Variants in STXBP6 observed in about 807,000 individuals in gnomAD.
STXBP6 encodes the protein syntaxin binding protein 6, also known as syntaxin-binding protein 6.
A neutral mutation model predicts 26.9 loss-of-function variants in STXBP6; 21 were observed. The ratio of observed to expected loss-of-function variants is 0.78; its 90% CI spans 0.55 to 1.12. The LOEUF (loss-of-function observed/expected upper bound fraction) is 1.12, where lower values mean the gene tolerates loss of function less well. Ranked by LOEUF, STXBP6 falls within the 50% of genes most tolerant of loss-of-function variation. The pLI, the probability that STXBP6 is intolerant of heterozygous loss-of-function variation, is 0.00. For synonymous variants in STXBP6, 97 were observed against 92.6 expected (o/e 1.05, Z -0.27); for missense variants, 232 against 257.9 (o/e 0.90, Z 0.69).
At chr14:24,917,457 A>G (rs990504184) in intron 2 of STXBP6, among the ~76,000 whole-genome samples, 2 of 152,086 alleles carry the variant, frequency 1.3e-5, no homozygotes, top group Non-Finnish European at 2.9e-5. Context: ...TCAAACACCA[A>G]TCGCACCATA....
In STXBP6 at chr14:25,044,584, C is replaced by T. The variant is rs2075697295; in HGVS notation, c.-33+5294G>A. Among the ~76,000 whole-genome samples the T allele has an allele frequency of 2.0e-5, 3 of 152,348 alleles. No homozygotes were observed. In the South Asian group the frequency reaches 6.2e-4, roughly 32 times the overall value. ...CTGTCCAGTCCTCTCTATAACTCAT[C>T]TGCTATTTCAACGAATTTACAGAAT... On this transcript the variant is annotated intron_variant, in intron 1 of 5. Transcript: ENST00000323944.
rs764076601 is a variant in STXBP6, at chr14:24,911,171, C to CA, written c.155-54015dup. On this transcript the variant is annotated intron_variant, in intron 2 of 5. Transcript: ENST00000323944. ...GAGACTTTGTCTCTACAAAAACAAA[C>CA]AAAAAACAAAAAAAAATTATCCAGG... Among the ~76,000 whole-genome samples the CA allele has an allele frequency of 1.6e-3, 248 of 151,436 alleles. 2 individuals carry two copies. Among genetic ancestry groups the CA allele is most frequent in the African/African-American group, 5.8e-3 (238 of 41,330 alleles).
intron 4 of STXBP6, among the ~76,000 whole-genome samples, chr14:24,836,392 C>G (rs768740182): frequency 2.0e-5 from 3 of 151,898 alleles, no homozygotes; most frequent in Non-Finnish European, 2.9e-5. Context: ...AGGTTAGCAG[C>G]TCGAGACCAG....
At chr14:25,013,907 C>CT (rs1388296526) in intron 1 of STXBP6, among the ~76,000 whole-genome samples, 3 of 152,102 alleles carry the variant, frequency 2.0e-5, no homozygotes, top group African/African-American at 7.2e-5. Flanking sequence ...TGAACACTGA[C>CT]TAAATAGCCC....
At chr14:24,946,906 G>A (rs2073011275) in intron 2 of STXBP6, among the ~76,000 whole-genome samples, 1 of 152,050 alleles carries the variant, frequency 6.6e-6, no homozygotes. Context: ...TTGTAAAGAG[G>A]GAGAAGACCG....
intron 1 of STXBP6, among the ~76,000 whole-genome samples, chr14:24,981,267 T>C (rs957787866): frequency 1.9e-4 from 29 of 149,980 alleles, no homozygotes; most frequent in African/African-American, 7.2e-4. Context: ...TCTTCAGATA[T>C]GTATGTGAGT....
chr14:25,041,049 C>A (rs1433183602), intron 1 of STXBP6, among the ~76,000 whole-genome samples: 2 of 152,238 alleles, frequency 1.3e-5, no homozygotes, highest in African/African-American at 4.8e-5. Flanking sequence ...GGGCCAGGCG[C>A]GGTGGCTCAC....
intron 2 of STXBP6, among the ~76,000 whole-genome samples, chr14:24,954,604 G>A (rs2073278971): frequency 6.6e-6 from 1 of 152,198 alleles, no homozygotes. Context: ...TGCGACCACA[G>A]ATGTGGAACA....
intron 1 of STXBP6, among the ~76,000 whole-genome samples, chr14:24,975,766 T>C (rs140717996): frequency 6.6e-4 from 101 of 152,350 alleles, no homozygotes; most frequent in African/African-American, 2.4e-3. Flanking sequence ...GTCTTAACTC[T>C]GCTTATTTAT....
At chr14:24,870,492 C>A (rs1455145567) in intron 2 of STXBP6, among the ~76,000 whole-genome samples, 4 of 152,114 alleles carry the variant, frequency 2.6e-5, no homozygotes, top group Admixed American at 2.6e-4. Context: ...TATCTCAAGA[C>A]GTTTATTCTC....
At chr14:24,961,013 T>C (rs1166054274) in intron 2 of STXBP6, among the ~76,000 whole-genome samples, 4 of 152,212 alleles carry the variant, frequency 2.6e-5, no homozygotes, top group Non-Finnish European at 4.4e-5. Context: ...GCAGGCCCCA[T>C]TTTTTCGTGT....
intron 4 of STXBP6, among the ~76,000 whole-genome samples, chr14:24,824,434 C>T (rs967122595): frequency 6.6e-6 from 1 of 152,120 alleles, no homozygotes; most frequent in African/African-American, 2.4e-5. Flanking sequence ...ACGATATTAG[C>T]TTTTACTTCT....
chr14:24,944,142 C>A (rs185007333), intron 2 of STXBP6, among the ~76,000 whole-genome samples: 1 of 152,128 alleles, frequency 6.6e-6, no homozygotes. Flanking sequence ...AAGGAACCAA[C>A]GAGTGAAAAC....
rs1467283856 is a variant in STXBP6, at chr14:25,040,378, TAA to T, written c.-33+9498_-33+9499del. Among the ~76,000 whole-genome samples the T allele has an allele frequency of 3.3e-5, 5 of 152,162 alleles. No individual in the cohort carries two copies. In the East Asian group the frequency reaches 9.6e-4, roughly 29 times the overall value. Reference sequence around the variant, plus strand: ...GGAAAAGAGGGTAATATTTGAGAGCTAAAAGTCTACTGAGGCTGCTACATAGT... The same window carrying T: ...GGAAAAGAGGGTAATATTTGAGAGCTAAGTCTACTGAGGCTGCTACATAGT... On this transcript the variant is annotated intron_variant, in intron 1 of 5. Transcript: ENST00000323944.
chr14:24,914,302 G>T (rs1254988101), intron 2 of STXBP6, among the ~76,000 whole-genome samples: 1 of 151,868 alleles, frequency 6.6e-6, no homozygotes, highest in Non-Finnish European at 1.5e-5. Flanking sequence ...TTATTAATAT[G>T]CCTGACACCA....
intron 2 of STXBP6, among the ~76,000 whole-genome samples, chr14:24,920,606 A>C (rs979765444): frequency 1.8e-4 from 28 of 152,046 alleles, no homozygotes; most frequent in African/African-American, 6.7e-4. Flanking sequence ...ATTGAATTGG[A>C]AAATTTCTGT....
intron 1 of STXBP6, among the ~76,000 whole-genome samples, chr14:25,044,167 C>A (rs1047127349): frequency 1.0e-5 from 1 of 95,516 alleles, no homozygotes; most frequent in Non-Finnish European, 2.1e-5. Context: ...TGAGACTCTG[C>A]CTCAAAAAAA....
At chr14:24,957,051 ATGTGCCAGGCAC>A (rs1345456189) in intron 2 of STXBP6, among the ~76,000 whole-genome samples, 1 of 152,196 alleles carries the variant, frequency 6.6e-6, no homozygotes, top group Non-Finnish European at 1.5e-5. Context: ...GAGGTCTCTG[ATGTGCCAGGCAC>A]TGTGCCAGGC....
intron 1 of STXBP6, among the ~76,000 whole-genome samples, chr14:25,003,413 G>C (rs996516406): frequency 1.3e-5 from 2 of 152,192 alleles, no homozygotes; most frequent in East Asian, 3.9e-4. Context: ...AGTCCTCCAG[G>C]GAAAGTTTTC....
Sources: gnomAD v4.1 joint callset for allele counts (sites outside exome capture counted in the v4.1 genomes callset) on GRCh38, gnomAD v4.1.1 for gene constraint, MANE v1.5 for transcripts, NCBI Gene and HGNC (gene_info 2026-07-23, HGNC 2026-07-21) for gene names.